The following DLC1 variants were observed in gnomAD, a reference collection of about 807,000 sequenced individuals.
DLC1 encodes DLC1 Rho GTPase activating protein, also known as rho GTPase-activating protein 7.
In DLC1, 54 loss-of-function variants were observed where a neutral mutation model predicts 140.3. That is an observed-to-expected ratio of 0.38 (90% CI 0.31 to 0.48). The LOEUF (loss-of-function observed/expected upper bound fraction) is 0.48, where lower values mean the gene tolerates loss of function less well. DLC1 is among the 20% of genes least tolerant of loss of function. The pLI, the probability that DLC1 is intolerant of heterozygous loss-of-function variation, is 0.96. For synonymous variants in DLC1, 986 were observed against 728.1 expected (o/e 1.35, Z -5.70); for missense variants, 2,536 against 1,907.0 (o/e 1.33, Z -6.14).
chr8:13,524,643 C>G (rs11985126), intron 1 of DLC1, among the ~76,000 whole-genome samples: 3,382 of 152,106 alleles, frequency 0.022, 145 homozygotes, highest in African/African-American at 0.077. Context: ...AGTTCCATCT[C>G]TTAAAGTTGC....
intron 2 of DLC1, among the ~76,000 whole-genome samples, chr8:13,493,991 TG>T (rs1279850939): frequency 4.1e-4 from 62 of 152,320 alleles, no homozygotes; most frequent in African/African-American, 1.3e-3. Context: ...TTTCCAGAGA[TG>T]TAAAGTACAG....
intron 4 of DLC1, among the ~76,000 whole-genome samples, chr8:13,319,310 G>T (rs1013298690): frequency 3.3e-5 from 5 of 151,960 alleles, no homozygotes; most frequent in Non-Finnish European, 7.4e-5. Context: ...TCCCTGCCCC[G>T]CCCTCCACTG....
At chr8:13,200,232 T>C (rs1021313948) in intron 5 of DLC1, among the ~76,000 whole-genome samples, 2 of 148,400 alleles carry the variant, frequency 1.3e-5, no homozygotes, top group African/African-American at 4.9e-5. Context: ...TTTGTATATA[T>C]ATATTTTTTT....
chr8:13,382,529 A>AAAGAAAG lies in DLC1; in HGVS notation c.1314+11023_1314+11024insCTTTCTT, dbSNP rs1554509369. On this transcript the variant is annotated intron_variant, in intron 4 of 17. Transcript: ENST00000276297. ...TCAAAAAAAAAAAAAAAAAAAAAAAAAAAGAAAGAGGAGACAGATAAGCTA... is the reference window on the plus strand; with the variant it reads ...TCAAAAAAAAAAAAAAAAAAAAAAAAAAGAAAGAAAGAAAGAGGAGACAGATAAGCTA... Among the ~76,000 whole-genome samples, 1,091 of 109,344 alleles carry AAAGAAAG rather than the reference A, an allele frequency of 1.0e-2. 145 individuals carry two copies. Among genetic ancestry groups the AAAGAAAG allele is most frequent in the Middle Eastern group, 0.034 (6 of 176 alleles). 71.7% of individuals were successfully genotyped at this position (109,344 alleles called of 152,430 possible).
rs147533425 is a variant in DLC1, at chr8:13,555,799, G to A, written c.-126+48738C>T. On this transcript the variant is annotated intron_variant, in intron 1 of 1. Coordinates refer to the DLC1 transcript ENST00000631382. Reference sequence around the variant, plus strand: ...TTACAGGCATGAGACACCGGGCCTGGCCTTGTAGCATTTTTTTTTTTAAAT... The same window carrying A: ...TTACAGGCATGAGACACCGGGCCTGACCTTGTAGCATTTTTTTTTTTAAAT... Among the ~76,000 whole-genome samples the A allele has an allele frequency of 4.0e-4, 61 of 152,034 alleles. No individual in the cohort carries two copies. The East Asian group carries it at 0.011, about 28-fold the overall frequency.
chr8:13,190,507 G>A (rs12544071), intron 5 of DLC1, among the ~76,000 whole-genome samples: 16,024 of 152,108 alleles, frequency 0.11, 1,633 homozygotes, highest in East Asian at 0.32. Context: ...GGTTTATGAA[G>A]GGTTTTAGTG....
intron 5 of DLC1, among the ~76,000 whole-genome samples, chr8:13,201,927 T>G (rs969012534): frequency 2.4e-5 from 2 of 83,582 alleles, no homozygotes; most frequent in African/African-American, 1.9e-4. Context: ...AAAGGTTTTT[T>G]TTTTTTTTTT....
rs577713911 is a variant in DLC1, at chr8:13,387,543, T to C, written c.1314+6010A>G. 6.4e-4 allele frequency among the ~76,000 whole-genome samples: 97 copies of C among 152,162 alleles called. No individual in the cohort carries two copies. In the South Asian group the frequency reaches 0.017, roughly 26 times the overall value. ...ACTAATATATCACAAGCACAGTGAC[T>C]TTAGTTTAATGATCATATGTATGGG... On this transcript the variant is annotated intron_variant, in intron 4 of 17. Coordinates refer to ENST00000276297, the MANE Select transcript of DLC1 (RefSeq NM_182643.3).
At chr8:13,588,745 A>C (rs1805416224) in intron 1 of DLC1, among the ~76,000 whole-genome samples, 1 of 152,094 alleles carries the variant, frequency 6.6e-6, no homozygotes, top group African/African-American at 2.4e-5. Context: ...TCAAAGACTA[A>C]AGATATAGGC....
intron 4 of DLC1, among the ~76,000 whole-genome samples, chr8:13,306,123 C>T (rs973793451): frequency 1.3e-5 from 2 of 152,216 alleles, no homozygotes; most frequent in East Asian, 1.9e-4. Context: ...CTCTATAAAG[C>T]GTACCAGATC....
intron 1 of DLC1, among the ~76,000 whole-genome samples, chr8:13,509,802 T>C (rs939877362): frequency 2.0e-5 from 3 of 150,314 alleles, no homozygotes; most frequent in East Asian, 4.0e-4. Flanking sequence ...GTCTGTGAAA[T>C]AACTTTTTTC....
intron 2 of DLC1, among the ~76,000 whole-genome samples, chr8:13,481,180 C>G (rs1800717695): frequency 6.6e-6 from 1 of 152,054 alleles, no homozygotes; most frequent in Admixed American, 6.6e-5. Flanking sequence ...ATCCCAGTAA[C>G]TTGGGAGGCC....
chr8:13,578,198 G>A (rs1326601075), intron 1 of DLC1, among the ~76,000 whole-genome samples: 1 of 152,024 alleles, frequency 6.6e-6, no homozygotes, highest in African/African-American at 2.4e-5. Flanking sequence ...TGACCACATG[G>A]CCACCCAGGA....
intron 5 of DLC1, among the ~76,000 whole-genome samples, chr8:13,253,523 A>C (rs1178626984): frequency 1.3e-5 from 2 of 152,230 alleles, no homozygotes; most frequent in Non-Finnish European, 2.9e-5. Context: ...TTCAGATTAA[A>C]GGGAAAACAG....
intron 5 of DLC1, among the ~76,000 whole-genome samples, chr8:13,196,281 G>A (rs1263057969): frequency 6.6e-6 from 1 of 151,992 alleles, no homozygotes; most frequent in Non-Finnish European, 1.5e-5. Flanking sequence ...ATGCTAAAAT[G>A]TTCTCATTTG....
rs576591006 is a variant in DLC1 at position 13,350,349 on chromosome 8, T to G, written c.1314+43204A>C. 5.9e-5 allele frequency among the ~76,000 whole-genome samples: 9 copies of G among 152,290 alleles called. No individual in the cohort carries two copies. The East Asian group carries it at 1.7e-3, about 29-fold the overall frequency. On this transcript the variant is annotated intron_variant, in intron 4 of 17. Coordinates refer to ENST00000276297, the MANE Select transcript of DLC1 (RefSeq NM_182643.3). The stretch of plus-strand genomic sequence containing the variant: ...ATTTACTGCATGTGGTTGAAGTTTT[T>G]CTTGTGTATTTGCTCTATCTCTTTT...
intron 4 of DLC1, among the ~76,000 whole-genome samples, chr8:13,323,139 T>C (rs1833192944): frequency 6.6e-6 from 1 of 152,190 alleles, no homozygotes; most frequent in African/African-American, 2.4e-5. Context: ...TGTTCCTGAA[T>C]TTCTGGCACA....
At chr8:13,242,771 A>G (rs539156930) in intron 5 of DLC1, among the ~76,000 whole-genome samples, 1 of 152,282 alleles carries the variant, frequency 6.6e-6, no homozygotes, top group East Asian at 1.9e-4. Flanking sequence ...ATGTGTGTGT[A>G]AATCAGAAGG....
intron 5 of DLC1, among the ~76,000 whole-genome samples, chr8:13,121,411 C>T (rs1381688137): frequency 6.6e-6 from 1 of 152,148 alleles, no homozygotes. Flanking sequence ...TAATTACAAC[C>T]CATCTTTACC....
Sources: gnomAD v4.1 joint callset for allele counts (sites outside exome capture counted in the v4.1 genomes callset) on GRCh38, gnomAD v4.1.1 for gene constraint, MANE v1.5 for transcripts, NCBI Gene and HGNC (gene_info 2026-07-23, HGNC 2026-07-21) for gene names.